DEAF1: variants seen among roughly 807,000 people sequenced by gnomAD.
DEAF1 encodes the protein DEAF1 transcription factor.
Under a neutral mutation model 58.9 loss-of-function variants are expected in DEAF1, and 53 were observed. The ratio of observed to expected loss-of-function variants is 0.90; its 90% CI spans 0.72 to 1.13. DEAF1 has a LOEUF of 1.13. Ranked by LOEUF, DEAF1 falls within the 50% of genes most tolerant of loss-of-function variation. The pLI, the probability that DEAF1 is intolerant of heterozygous loss-of-function variation, is 0.00. For missense variants in DEAF1, 685 were observed against 791.4 expected (o/e 0.87, Z 1.61); for synonymous variants, 385 against 340.4 (o/e 1.13, Z -1.44).
chr11:664,325 G>C (rs1348808870), intron 10 of DEAF1, among the ~76,000 whole-genome samples: 1 of 152,004 alleles, frequency 6.6e-6, no homozygotes, highest in Non-Finnish European at 1.5e-5. Flanking sequence ...CCCTGAAGGA[G>C]TGTGAAGCAG....
At chr11:678,638 T>A in intron 9 of DEAF1, 56 bp downstream of exon 9, 3 of 1,611,438 alleles carry the variant, frequency 1.9e-6, no homozygotes, top group Non-Finnish European at 2.5e-6. Flanking sequence ...AATTCTTTCA[T>A]TGGAAGCAAT....
intron 10 of DEAF1, among the ~76,000 whole-genome samples, chr11:658,688 C>T (rs377567582): frequency 1.2e-4 from 18 of 152,358 alleles, no homozygotes; most frequent in East Asian, 9.6e-4. Flanking sequence ...GGGCCGCAGG[C>T]GGGCAGAGGA....
intron 4 of DEAF1, 146 bp downstream of exon 4, chr11:687,765 G>T (rs1318286519): frequency 9.8e-7 from 1 of 1,017,060 alleles, no homozygotes; most frequent in Non-Finnish European, 1.5e-6. Flanking sequence ...CAAAGTGCTG[G>T]TATTACAGGC....
At chr11:680,406 C>A in intron 7 of DEAF1, among the ~76,000 whole-genome samples, 1 of 152,224 alleles carries the variant, frequency 6.6e-6, no homozygotes, top group East Asian at 1.9e-4. Context: ...AAGACATTTT[C>A]TCCTATTGCT....
chr11:645,537 C>T (rs1048300766), intron 11 of DEAF1, among the ~76,000 whole-genome samples: 22 of 152,258 alleles, frequency 1.4e-4, no homozygotes, highest in Non-Finnish European at 2.6e-4. Flanking sequence ...AGGCTGGTCT[C>T]GAACTCCTGA....
At chr11:695,458 G>A (rs910563798), upstream of DEAF1, 164 of 552,426 alleles carry the variant, frequency 3.0e-4, no homozygotes, top group Non-Finnish European at 3.8e-4. Context: ...CGACAGGGCT[G>A]GACGGCTCTA....
intron 10 of DEAF1, among the ~76,000 whole-genome samples, chr11:663,443 A>G (rs1233985513): frequency 6.6e-6 from 1 of 152,138 alleles, no homozygotes; most frequent in Non-Finnish European, 1.5e-5. Flanking sequence ...GTGAGACTCA[A>G]CAACAACAAC....
chr11:678,888 C>A, intron 8 of DEAF1, 66 bp from the exon 9 acceptor site: 1 of 1,599,350 alleles, frequency 6.3e-7, no homozygotes, highest in Non-Finnish European at 8.5e-7. Flanking sequence ...CTAAATATCA[C>A]GCTGTATGGC....
At chr11:675,485 C>G (rs1020107014) in intron 9 of DEAF1, among the ~76,000 whole-genome samples, 1 of 152,072 alleles carries the variant, frequency 6.6e-6, no homozygotes, top group South Asian at 2.1e-4. Context: ...GCCATGACTG[C>G]GCCACCGTCC....
At position 678,691 on chromosome 11, in the gene DEAF1, T is replaced by C. The variant is rs1424970214; in HGVS notation, c.1255+3A>G. The C allele has an allele frequency of 3.7e-6, 6 of 1,613,924 alleles. No homozygotes were observed. The highest frequency in any genetic ancestry group is 5.1e-6 in the Non-Finnish European group (6 of 1,179,946). On this transcript the variant is annotated splice_donor_region_variant and intron_variant, in intron 9 of 11. Transcript: ENST00000382409. ...GTACATGTGTGAATTCTTTCAAACC[T>C]ACCTATTTTGGGATGTGACGTTGGC...
At chr11:661,785 C>T (rs529778783) in intron 10 of DEAF1, among the ~76,000 whole-genome samples, 1 of 152,334 alleles carries the variant, frequency 6.6e-6, no homozygotes, top group African/African-American at 2.4e-5. Context: ...GGCATGGGTG[C>T]TCTGTCAGGG....
At chr11:676,374 A>AT (rs1860081648) in intron 9 of DEAF1, among the ~76,000 whole-genome samples, 1 of 127,810 alleles carries the variant, frequency 7.8e-6, no homozygotes, top group Non-Finnish European at 1.6e-5. Flanking sequence ...TCAGCCTGAC[A>AT]TCCCCCCAGC....
rs747718321 is a variant in DEAF1 at position 688,053 on chromosome 11, A to T, written c.522T>A (p.Pro174=). 4.3e-6 allele frequency: 7 copies of T among 1,614,000 alleles called. No homozygotes were observed. Among genetic ancestry groups the T allele is most frequent in the Non-Finnish European group, 5.1e-6 (6 of 1,180,008 alleles). The part of the protein sequence containing the change: ...KGPAAPLTPG[P]QSPPTPLAPG... ...GAGCCAGAGGGGTTGGAGGAGACTG[A>T]GGACCTTGGGCAGAGAAAGTGTTTG... Residue 174 remains proline, a synonymous_variant, in exon 4 of 12, where the codon CCT becomes CCA. Coordinates refer to ENST00000382409, the MANE Select transcript of DEAF1 (RefSeq NM_021008.4). The surrounding 1 kb of genome is among the most constrained non-coding windows in gnomAD (Gnocchi z 4.3).
intron 10 of DEAF1, among the ~76,000 whole-genome samples, chr11:660,070 G>C (rs1859253731): frequency 6.6e-6 from 1 of 151,984 alleles, no homozygotes; most frequent in African/African-American, 2.4e-5. Flanking sequence ...GGGGCAGAGG[G>C]CTCCCCATGA....
chr11:667,977 T>A (rs1859632097), intron 10 of DEAF1, among the ~76,000 whole-genome samples: 1 of 151,976 alleles, frequency 6.6e-6, no homozygotes, highest in African/African-American at 2.4e-5. Context: ...CTGGGTGTGG[T>A]GGCGCACGCC....
chr11:670,351 C>CT (rs1859755246), intron 10 of DEAF1, among the ~76,000 whole-genome samples: 1 of 148,840 alleles, frequency 6.7e-6, no homozygotes, highest in Admixed American at 6.7e-5. Context: ...TTTAAACTTT[C>CT]TTTTCCTCTA....
intron 2 of DEAF1, chr11:689,525 A>C (rs1263077219): frequency 3.9e-5 from 6 of 151,984 alleles, no homozygotes; most frequent in African/African-American, 1.5e-4. Context: ...ACTGTTTCCT[A>C]CATCTGAAAA....
intron 1 of DEAF1, chr11:704,916 G>T (rs1033038628): frequency 4.3e-5 from 15 of 351,782 alleles, no homozygotes; most frequent in Non-Finnish European, 7.8e-5. Context: ...GAGGGCACGG[G>T]TGCACCGAGG....
chr11:681,021 G>A lies in DEAF1; in HGVS notation c.939C>T (p.Pro313=), dbSNP rs377002477. ...RKKENELPTT[P]VKKDSPKNIT... is the part of the protein sequence containing the mutation. Reference sequence around the variant, plus strand: ...TGTTCTTGGGGGAGTCCTTCTTCACGGGAGTTGTGGGCAGTTCATTCTCCT... The same window carrying A: ...TGTTCTTGGGGGAGTCCTTCTTCACAGGAGTTGTGGGCAGTTCATTCTCCT... Residue 313 remains proline (P), a synonymous_variant, in exon 7 of 12, where the codon CCC becomes CCT. Coordinates refer to ENST00000382409, the MANE Select transcript of DEAF1 (RefSeq NM_021008.4). 4.2e-5 allele frequency: 67 copies of A among 1,614,016 alleles called. No individual in the cohort carries two copies. Among genetic ancestry groups the A allele is most frequent in the South Asian group, 9.9e-5 (9 of 91,078 alleles).
Sources: gnomAD v4.1 joint callset for allele counts (sites outside exome capture counted in the v4.1 genomes callset) on GRCh38, gnomAD v4.1.1 for gene constraint, Gnocchi (gnomAD v3.1) non-coding constraint, MANE v1.5 for transcripts, NCBI Gene and HGNC (gene_info 2026-07-23, HGNC 2026-07-21) for gene names.